AP2B1: variants seen among roughly 807,000 people sequenced by gnomAD.
AP2B1 encodes adaptor related protein complex 2 subunit beta 1, also known as AP-2 complex subunit beta.
In AP2B1, 23 loss-of-function variants were observed where a neutral mutation model predicts 102.0. That is an observed-to-expected ratio of 0.23 (90% CI 0.16 to 0.32). AP2B1 has a LOEUF of 0.32. AP2B1 is among the 10% of genes least tolerant of loss of function. The probability of loss-of-function intolerance (pLI) is 1.00; values close to 1 mark genes in which losing one functional copy is unlikely to be tolerated. For missense variants in AP2B1, 541 were observed against 1,157.4 expected (o/e 0.47, Z 7.73); for synonymous variants, 381 against 421.2 (o/e 0.90, Z 1.17).
At chr17:35,705,636 T>C (rs1348277763) in intron 18 of AP2B1, among the ~76,000 whole-genome samples, 1 of 152,040 alleles carries the variant, frequency 6.6e-6, no homozygotes, top group East Asian at 1.9e-4. Flanking sequence ...ATTCTCCCAC[T>C]TCAGCCTCCT....
chr17:35,611,313 A>G (rs2073856788), intron 5 of AP2B1, among the ~76,000 whole-genome samples: 1 of 152,226 alleles, frequency 6.6e-6, no homozygotes, highest in African/African-American at 2.4e-5. Context: ...TGGTGCTAAG[A>G]ATATGGAATG....
chr17:35,605,882 A>G (rs2073656617), intron 4 of AP2B1, 42 bp downstream of exon 4: 2 of 1,593,126 alleles, frequency 1.3e-6, no homozygotes, highest in Non-Finnish European at 1.7e-6. Flanking sequence ...TTGAATTGCA[A>G]ATAAGTAACC....
chr17:35,662,541 T>G (rs972773349), intron 14 of AP2B1, among the ~76,000 whole-genome samples: 2 of 150,350 alleles, frequency 1.3e-5, no homozygotes, highest in East Asian at 1.9e-4. Flanking sequence ...TGTTTTTTTT[T>G]TTTTTTTTTT....
chr17:35,600,576 A>G (rs1332183324), intron 3 of AP2B1, among the ~76,000 whole-genome samples: 2 of 152,212 alleles, frequency 1.3e-5, no homozygotes, highest in Non-Finnish European at 2.9e-5. Flanking sequence ...GGAACTTATG[A>G]GAATCTAGCT....
chr17:35,725,824 A>G lies in AP2B1; in HGVS notation c.*2125A>G, dbSNP rs1236263998. Reference sequence around the variant, plus strand: ...AGACAACACAATTTCCTATCAGAATATGTCCCTCAACCCCCGAAACAAGGC... The same window carrying G: ...AGACAACACAATTTCCTATCAGAATGTGTCCCTCAACCCCCGAAACAAGGC... On this transcript the variant is annotated 3_prime_UTR_variant, in exon 22 of 22. Coordinates refer to ENST00000610402, the MANE Select transcript of AP2B1 (RefSeq NM_001030006.2). 4 of 152,562 alleles carry G rather than the reference A, an allele frequency of 2.6e-5. No homozygotes were observed. The highest frequency in any genetic ancestry group is 9.7e-5 in the African/African-American group (4 of 41,438). The allele number at this position is 152,562 out of a possible 1,614,324, so 9.5% of individuals were successfully genotyped here. A position where few individuals can be genotyped will look rare whatever the true frequency, so the allele number is the denominator to read the frequency against.
At chr17:35,697,941 C>T (rs1204677293) in intron 18 of AP2B1, among the ~76,000 whole-genome samples, 1 of 152,204 alleles carries the variant, frequency 6.6e-6, no homozygotes, top group Non-Finnish European at 1.5e-5. Context: ...GCCTGGGTGA[C>T]AGAGCAAGAC....
rs34634602 is a variant in AP2B1, at chr17:35,646,586, A to ATT, written c.1537-3928_1537-3927dup. ...CTCAAATTTTTTTCATATATATATA[A>ATT]TTTTTTTTTTTTTTTTTGAGATGGA... On this transcript the variant is annotated intron_variant, in intron 12 of 21. Transcript: ENST00000610402. Among the ~76,000 whole-genome samples the ATT allele has an allele frequency of 1.5e-3, 202 of 135,616 alleles. 3 individuals are homozygous for ATT. The highest frequency in any genetic ancestry group is 4.2e-3 in the African/African-American group (152 of 36,062). The allele number at this position is 135,616 out of a possible 152,430, so 89.0% of individuals were successfully genotyped here.
At chr17:35,651,118 G>A (rs1229793309) in intron 13 of AP2B1, 2 of 234,096 alleles carry the variant, frequency 8.5e-6, no homozygotes, top group Non-Finnish European at 1.7e-5. Context: ...GCAGTAAGAA[G>A]AGACTAGAAA....
intron 20 of AP2B1, among the ~76,000 whole-genome samples, chr17:35,710,729 G>A (rs587609527): frequency 1.3e-5 from 2 of 152,230 alleles, no homozygotes; most frequent in East Asian, 3.9e-4. Context: ...CTTAGATTCT[G>A]TACTTAGAAC....
chr17:35,596,566 T>G (rs1388406878), intron 2 of AP2B1, among the ~76,000 whole-genome samples: 1 of 151,108 alleles, frequency 6.6e-6, no homozygotes, highest in Non-Finnish European at 1.5e-5. Context: ...AATGTCCCAG[T>G]CCTCGGGCGC....
intron 10 of AP2B1, 45 bp from the exon 11 acceptor site, chr17:35,639,550 T>C: frequency 6.4e-7 from 1 of 1,553,916 alleles, no homozygotes; most frequent in South Asian, 1.2e-5. Flanking sequence ...TTAAATTAGT[T>C]CTTAGTTTTG....
intron 18 of AP2B1, among the ~76,000 whole-genome samples, chr17:35,698,350 C>T (rs2143001757): frequency 6.6e-6 from 1 of 152,172 alleles, no homozygotes; most frequent in Non-Finnish European, 1.5e-5. Context: ...CACACTGTCT[C>T]CCAGGCAGGA....
At chr17:35,636,858 C>T (rs867244113) in intron 10 of AP2B1, among the ~76,000 whole-genome samples, 4 of 152,250 alleles carry the variant, frequency 2.6e-5, no homozygotes, top group Admixed American at 6.5e-5. Flanking sequence ...GATGATATAT[C>T]GTATAGCACC....
intron 18 of AP2B1, among the ~76,000 whole-genome samples, chr17:35,695,156 T>C (rs191930457): frequency 1.3e-5 from 2 of 152,290 alleles, no homozygotes; most frequent in East Asian, 3.9e-4. Flanking sequence ...CAACTGGAAC[T>C]ATATAGAGTA....
At chr17:35,665,813 C>A (rs1490404113) in intron 14 of AP2B1, among the ~76,000 whole-genome samples, 1 of 152,138 alleles carries the variant, frequency 6.6e-6, no homozygotes, top group African/African-American at 2.4e-5. Context: ...CTTCAGATAC[C>A]TAGACAGCTC....
chr17:35,674,134 T>C (rs1281816438), intron 16 of AP2B1, 42 bp from the exon 17 acceptor site: 2 of 1,573,064 alleles, frequency 1.3e-6, no homozygotes, highest in Non-Finnish European at 1.7e-6. Context: ...AGCATCAAGA[T>C]AAATCTTGTC....
intron 14 of AP2B1, among the ~76,000 whole-genome samples, chr17:35,659,291 T>C (rs376549391): frequency 2.6e-5 from 4 of 152,186 alleles, no homozygotes; most frequent in East Asian, 1.9e-4. Flanking sequence ...GGTGGACTCA[T>C]TGAACCTAAA....
Position 35,591,802 on chromosome 17 carries a change from C to A in AP2B1, c.-23-2206C>A, listed in dbSNP as rs186563225. ...GAATGGACTAAATGATTATAACATT[C>A]TTTGAATTTTTGCTAGAAACACATT... On this transcript the variant is annotated intron_variant, in intron 1 of 21. Transcript: ENST00000610402. Among the ~76,000 whole-genome samples, 6 of 152,262 alleles carry A rather than the reference C, an allele frequency of 3.9e-5. No homozygotes were observed. The South Asian group carries it at 1.0e-3, about 26-fold the overall frequency.
intron 20 of AP2B1, among the ~76,000 whole-genome samples, chr17:35,715,936 A>G (rs1301760142): frequency 2.0e-5 from 3 of 152,220 alleles, no homozygotes; most frequent in African/African-American, 7.2e-5. Flanking sequence ...GAAAGACATC[A>G]GGGTGAGAGC....
Sources: gnomAD v4.1 joint callset for allele counts (sites outside exome capture counted in the v4.1 genomes callset) on GRCh38, gnomAD v4.1.1 for gene constraint, MANE v1.5 for transcripts, NCBI Gene and HGNC (gene_info 2026-07-23, HGNC 2026-07-21) for gene names.